The following HEATR5B variants were observed in gnomAD, a reference collection of about 807,000 sequenced individuals.
The protein encoded by HEATR5B is HEAT repeat containing 5B.
Under a neutral mutation model 224.1 loss-of-function variants are expected in HEATR5B, and 156 were observed. That is an observed-to-expected ratio of 0.70 (90% confidence interval 0.61 to 0.80). The LOEUF is 0.80. Among genes scored for constraint, HEATR5B ranks in the 30% least tolerant of loss-of-function variants. HEATR5B has a pLI of 0.00. For missense variants in HEATR5B, 2,323 were observed against 2,535.5 expected, an observed-to-expected ratio of 0.92 and a Z score of 1.80; for synonymous variants, 1,027 against 893.0, an observed-to-expected ratio of 1.15 and a Z score of -2.68.
At position 37,021,011 on chromosome 2, in the gene HEATR5B, G is replaced by A. The variant is rs1668425801; in HGVS notation, c.3854-175C>T. 1.3e-5 allele frequency among the ~76,000 whole-genome samples: 2 copies of A among 152,110 alleles called. 1 individual carries two copies. Among genetic ancestry groups the A allele is most frequent in the South Asian group, 4.1e-4 (2 of 4,832 alleles). ...GACAACTTCCATATCAATCTTTCAA[G>A]AATAGTGATATACAATACAGTAATG... On this transcript the variant is annotated intron_variant, in intron 24 of 35. Coordinates refer to ENST00000233099, the MANE Select transcript of HEATR5B (RefSeq NM_019024.3).
intron 21 of HEATR5B, among the ~76,000 whole-genome samples, chr2:37,034,924 A>C (rs951448343): frequency 1.4e-4 from 21 of 152,144 alleles, no homozygotes; most frequent in Non-Finnish European, 2.5e-4. Context: ...AATACTCCAT[A>C]ACTAATTACA....
chr2:37,002,047 G>C (rs529531842), intron 32 of HEATR5B, among the ~76,000 whole-genome samples: 5 of 152,314 alleles, frequency 3.3e-5, no homozygotes, highest in Non-Finnish European at 7.3e-5. Context: ...TCTATCTGCT[G>C]ACACTGTCTT....
chr2:37,069,985 C>T (rs567584297), intron 7 of HEATR5B, among the ~76,000 whole-genome samples: 1 of 151,312 alleles, frequency 6.6e-6, no homozygotes, highest in African/African-American at 2.4e-5. Context: ...GCAACCTCCA[C>T]CTCCCTAGTT....
intron 17 of HEATR5B, among the ~76,000 whole-genome samples, chr2:37,051,340 G>T (rs555661942): frequency 7.1e-6 from 1 of 140,284 alleles, no homozygotes. Context: ...TGGCAACAGG[G>T]CGAAACTCCA....
At chr2:37,080,472 G>A (rs1409531306) in intron 2 of HEATR5B, among the ~76,000 whole-genome samples, 2 of 152,150 alleles carry the variant, frequency 1.3e-5, no homozygotes, top group Non-Finnish European at 2.9e-5. Context: ...GTTTGTGGAT[G>A]AAACCATAGG....
chr2:36,982,214 C>T (rs1040153081), intron 35 of HEATR5B, among the ~76,000 whole-genome samples: 7 of 152,044 alleles, frequency 4.6e-5, no homozygotes, highest in Non-Finnish European at 2.9e-5. Flanking sequence ...TGTTTCTTTC[C>T]TCTTTAAGTA....
chr2:37,079,198 G>A lies in HEATR5B; in HGVS notation c.260C>T (p.Thr87Ile). 2 of 1,610,506 alleles carry A rather than the reference G, an allele frequency of 1.2e-6. No individual in the cohort carries two copies. Among genetic ancestry groups the A allele is most frequent in the Non-Finnish European group, 8.5e-7 (1 of 1,176,944 alleles). ...GCATTTATCAAGTGTCTGAAAAACT[G>A]TGAAAGTATCCCCAATGCTATAAAG... ...AALYSIGDTF[T>I]VFQTLDKCND... is the part of the protein sequence containing the mutation. Residue 87 changes from threonine to isoleucine, a missense_variant, in exon 3 of 36, where the codon ACA becomes ATA. By Grantham distance (89) the Thr-to-Ile change is moderately conservative (BLOSUM62 -1). Coordinates refer to ENST00000233099, the MANE Select transcript of HEATR5B (RefSeq NM_019024.3).
chr2:37,011,820 G>A (rs1667806913), intron 27 of HEATR5B, among the ~76,000 whole-genome samples: 1 of 152,124 alleles, frequency 6.6e-6, no homozygotes, highest in Non-Finnish European at 1.5e-5. Flanking sequence ...AAATAGTGTT[G>A]CAAGTAAACA....
In HEATR5B at chr2:37,032,691, TC is replaced by T; in HGVS notation, c.3298del (p.Glu1100LysfsTer7). On this transcript the variant is annotated frameshift_variant, in exon 22 of 36. Transcript: ENST00000233099. LOFTEE classifies it high-confidence loss of function. ...CAGGCTCATGGCATATTCACATACT[TC>T]CGCTGCTTCTCTTTGTGCAAGTTGC... is the stretch of plus-strand genomic sequence containing the variant. The part of the protein sequence containing the change: ...LRQLAQREAA[E>X]VCEYAMSLAK... 1 of 1,614,126 alleles carries T rather than the reference TC, an allele frequency of 6.2e-7. No individual in the cohort carries two copies. Among genetic ancestry groups the T allele is most frequent in the South Asian group, 1.1e-5 (1 of 91,072 alleles).
intron 28 of HEATR5B, among the ~76,000 whole-genome samples, chr2:37,007,711 T>C (rs1035698930): frequency 6.6e-6 from 1 of 152,214 alleles, no homozygotes; most frequent in African/African-American, 2.4e-5. Context: ...AAGAGAAATC[T>C]AGCCAAAGGG....
Position 37,084,259 on chromosome 2 carries a change from G to C in HEATR5B, c.-23+10C>G. 2.6e-6 allele frequency: 1 copy of C among 388,758 alleles called. No homozygotes were observed. The allele number at this position is 388,758 out of a possible 1,614,324, so 24.1% of individuals were successfully genotyped here. A position where few individuals can be genotyped will look rare whatever the true frequency, so the allele number is the denominator to read the frequency against. ...CGTGCGTGTCAACATGCATGCTTCG[G>C]CGACCTCACCTCGTAGTCTGGAAGG... On this transcript the variant is annotated intron_variant, in intron 1 of 35. Coordinates refer to ENST00000233099, the MANE Select transcript of HEATR5B (RefSeq NM_019024.3).
chr2:37,048,128 C>T (rs1477369791), intron 18 of HEATR5B, among the ~76,000 whole-genome samples: 1 of 151,724 alleles, frequency 6.6e-6, no homozygotes, highest in Non-Finnish European at 1.5e-5. Flanking sequence ...AATGAAATGT[C>T]CTTGTGTTTC....
intron 20 of HEATR5B, among the ~76,000 whole-genome samples, chr2:37,038,591 T>C (rs1044290753): frequency 6.6e-6 from 1 of 152,210 alleles, no homozygotes; most frequent in Non-Finnish European, 1.5e-5. Context: ...ATCGTCTTCA[T>C]ATCCCTGTGA....
At chr2:37,034,045 C>A (rs888204098) in intron 21 of HEATR5B, among the ~76,000 whole-genome samples, 12 of 152,024 alleles carry the variant, frequency 7.9e-5, no homozygotes, top group African/African-American at 2.9e-4. Context: ...CTTCACAATG[C>A]CAGATAGTAT....
At chr2:37,032,844 GAATA>G in intron 21 of HEATR5B, 71 bp from the exon 22 acceptor site, 1 of 1,265,178 alleles carries the variant, frequency 7.9e-7, no homozygotes, top group Non-Finnish European at 1.1e-6. Context: ...TTTGCCCAAT[GAATA>G]TATATATACA....
intron 18 of HEATR5B, among the ~76,000 whole-genome samples, chr2:37,048,484 C>T (rs1293103772): frequency 6.6e-6 from 1 of 151,474 alleles, no homozygotes; most frequent in Admixed American, 6.6e-5. Flanking sequence ...CGCGCCCAGC[C>T]AAGGACACAT....
intron 18 of HEATR5B, among the ~76,000 whole-genome samples, chr2:37,046,360 C>A (rs940882859): frequency 3.3e-5 from 5 of 152,154 alleles, no homozygotes; most frequent in African/African-American, 9.7e-5. Context: ...AGAGATGGGC[C>A]AGGCGCACTG....
In HEATR5B at chr2:36,996,773, G is replaced by A. The variant is rs189093949; in HGVS notation, c.5545+3813C>T. 5.3e-5 allele frequency among the ~76,000 whole-genome samples: 8 copies of A among 151,966 alleles called. No individual in the cohort carries two copies. In the East Asian group the frequency reaches 1.6e-3, roughly 30 times the overall value. Reference sequence around the variant, plus strand: ...ACGCCCAGCTAATTTTGTATTTTTAGTAGAGACAGGGTTTCTCCATGTTGG... The same window carrying A: ...ACGCCCAGCTAATTTTGTATTTTTAATAGAGACAGGGTTTCTCCATGTTGG... On this transcript the variant is annotated intron_variant, in intron 33 of 35. Transcript: ENST00000233099.
chr2:37,011,492 T>C (rs947844076), intron 27 of HEATR5B, among the ~76,000 whole-genome samples: 1 of 152,194 alleles, frequency 6.6e-6, no homozygotes, highest in Non-Finnish European at 1.5e-5. Context: ...TATAAAAAGT[T>C]GGAAAAATAA....
Sources: gnomAD v4.1 joint callset for allele counts (sites outside exome capture counted in the v4.1 genomes callset) on GRCh38, gnomAD v4.1.1 for gene constraint, MANE v1.5 for transcripts, NCBI Gene and HGNC (gene_info 2026-07-23, HGNC 2026-07-21) for gene names.